DPYD: variants seen among roughly 807,000 people sequenced by gnomAD.
DPYD encodes the protein dihydropyrimidine dehydrogenase [NADP(+)].
In DPYD, 109 loss-of-function variants were observed where a neutral mutation model predicts 116.2. That is an observed-to-expected ratio of 0.94 (90% confidence interval 0.80 to 1.10). DPYD has a LOEUF of 1.10. Ranked by LOEUF, DPYD falls within the 50% of genes least tolerant of loss-of-function variation. The pLI is 0.00. For synonymous variants in DPYD, 440 were observed against 432.0 expected, an observed-to-expected ratio of 1.02 and a Z score of -0.23; for missense variants, 1,302 against 1,254.5, an observed-to-expected ratio of 1.04 and a Z score of -0.57.
intron 8 of DPYD, among the ~76,000 whole-genome samples, chr1:97,655,227 G>T (rs780873413): frequency 1.3e-5 from 2 of 152,156 alleles, no homozygotes; most frequent in East Asian, 3.8e-4. Context: ...TTAATTTAGT[G>T]AAGAGGAATT....
At chr1:97,268,239 T>C (rs1664357689) in intron 18 of DPYD, among the ~76,000 whole-genome samples, 1 of 152,018 alleles carries the variant, frequency 6.6e-6, no homozygotes, top group African/African-American at 2.4e-5. Flanking sequence ...TTCAGTACAC[T>C]CAGCAGCTCT....
At chr1:97,620,130 T>G (rs1656544924) in intron 8 of DPYD, among the ~76,000 whole-genome samples, 1 of 152,146 alleles carries the variant, frequency 6.6e-6, no homozygotes, top group Admixed American at 6.6e-5. Flanking sequence ...TTCCAATTGA[T>G]ACACAGGGCA....
At chr1:97,453,440 A>T (rs1456110309) in intron 13 of DPYD, among the ~76,000 whole-genome samples, 1 of 152,104 alleles carries the variant, frequency 6.6e-6, no homozygotes, top group East Asian at 1.9e-4. Context: ...AGGAATTTTT[A>T]AAATATCATA....
At chr1:97,195,569 C>CATATATAT (rs1200424384) in intron 19 of DPYD, among the ~76,000 whole-genome samples, 7 of 37,382 alleles carry the variant, frequency 1.9e-4, no homozygotes, top group Admixed American at 4.1e-4. Context: ...ACAGAACTCT[C>CATATATAT]ATATATATAT....
intron 8 of DPYD, among the ~76,000 whole-genome samples, chr1:97,672,009 A>T (rs567870710): frequency 1.6e-4 from 23 of 144,614 alleles, no homozygotes; most frequent in Non-Finnish European, 3.1e-4. Context: ...CAGTGGAACC[A>T]TCTCACCTCA....
In DPYD at chr1:97,208,970, G is replaced by A. The variant is rs1006036265; in HGVS notation, c.2443-15722C>T. Among the ~76,000 whole-genome samples, 8 of 152,248 alleles carry A rather than the reference G, an allele frequency of 5.3e-5. No individual in the cohort carries two copies. The South Asian group carries it at 8.3e-4, about 16-fold the overall frequency. On this transcript the variant is annotated intron_variant, in intron 19 of 22. Coordinates refer to ENST00000370192, the MANE Select transcript of DPYD (RefSeq NM_000110.4). ...CTGGTGTCTTCTGAGGTGTGTGTGT[G>A]TGTGTTCCATATTGACTAATTTCTA... is the stretch of plus-strand genomic sequence containing the variant.
chr1:97,699,624 C>T (rs748849974), intron 5 of DPYD, 77 bp from the exon 6 acceptor site: 56 of 1,421,772 alleles, frequency 3.9e-5, no homozygotes, highest in Middle Eastern at 3.6e-4. Flanking sequence ...ATGTTTCAAA[C>T]GAATTCTTGT....
intron 12 of DPYD, among the ~76,000 whole-genome samples, chr1:97,534,997 T>A (rs1426910057): frequency 6.6e-6 from 1 of 152,102 alleles, no homozygotes; most frequent in Non-Finnish European, 1.5e-5. Flanking sequence ...GTTAAGTCCT[T>A]GAGCTGGGAA....
chr1:97,558,839 T>A (rs571967557), intron 11 of DPYD, among the ~76,000 whole-genome samples: 4 of 152,316 alleles, frequency 2.6e-5, no homozygotes, highest in African/African-American at 9.6e-5. Context: ...AATAATTCTA[T>A]CTATTTAAGA....
chr1:97,237,171 G>C (rs1006594047), intron 18 of DPYD, among the ~76,000 whole-genome samples: 1 of 149,026 alleles, frequency 6.7e-6, no homozygotes, highest in East Asian at 2.0e-4. Flanking sequence ...AACCCAGGAG[G>C]TGGAGGCTGC....
chr1:97,228,034 C>T (rs1475928565), intron 19 of DPYD, among the ~76,000 whole-genome samples: 1 of 151,230 alleles, frequency 6.6e-6, no homozygotes, highest in East Asian at 1.9e-4. Flanking sequence ...GTTTTTTTCC[C>T]ACAGCACTTA....
chr1:97,275,722 G>A (rs1370648368), intron 18 of DPYD, among the ~76,000 whole-genome samples: 1 of 152,146 alleles, frequency 6.6e-6, no homozygotes, highest in Non-Finnish European at 1.5e-5. Context: ...TTATTTATAA[G>A]CCTAAAACCT....
At chr1:97,165,072 A>G (rs1260316863) in intron 20 of DPYD, among the ~76,000 whole-genome samples, 4 of 152,116 alleles carry the variant, frequency 2.6e-5, no homozygotes, top group African/African-American at 9.7e-5. Context: ...GAACTAGAGA[A>G]AACTATTTCA....
chr1:97,327,746 C>G (rs1032029664), intron 16 of DPYD, among the ~76,000 whole-genome samples: 2 of 151,308 alleles, frequency 1.3e-5, no homozygotes, highest in Admixed American at 1.3e-4. Flanking sequence ...ATAGATACAC[C>G]CTATTTTACT....
intron 14 of DPYD, among the ~76,000 whole-genome samples, chr1:97,447,506 A>G (rs188814213): frequency 1.3e-5 from 2 of 152,354 alleles, no homozygotes; most frequent in East Asian, 3.9e-4. Flanking sequence ...ATGAGGAGTA[A>G]AAATGTTAGA....
chr1:97,596,166 A>G (rs1654868705), intron 8 of DPYD, among the ~76,000 whole-genome samples: 1 of 152,146 alleles, frequency 6.6e-6, no homozygotes, highest in South Asian at 2.1e-4. Flanking sequence ...AACAGAACGA[A>G]TATTTGAGAA....
intron 2 of DPYD, among the ~76,000 whole-genome samples, chr1:97,857,424 C>T (rs1206738313): frequency 6.6e-6 from 1 of 152,108 alleles, no homozygotes; most frequent in Non-Finnish European, 1.5e-5. Flanking sequence ...AACTTTGAGC[C>T]CCATCCCCCA....
At chr1:97,459,441 C>T (rs567966164) in intron 13 of DPYD, among the ~76,000 whole-genome samples, 1 of 151,898 alleles carries the variant, frequency 6.6e-6, no homozygotes, top group African/African-American at 2.4e-5. Flanking sequence ...CAGACAACAA[C>T]AAACTGAGGA....
chr1:97,750,672 A>G (rs773036153), intron 3 of DPYD, among the ~76,000 whole-genome samples: 15 of 152,212 alleles, frequency 9.9e-5, no homozygotes, highest in Admixed American at 2.6e-4. Context: ...AAAGCCTTAC[A>G]AAGAATTCAC....
Sources: allele counts gnomAD v4.1 joint callset (sites outside exome capture counted in the v4.1 genomes callset), GRCh38; gene constraint gnomAD v4.1.1; transcripts MANE v1.5; gene names NCBI Gene and HGNC (gene_info 2026-07-23, HGNC 2026-07-21).